Variants in ENTREP2 observed in about 807,000 individuals in gnomAD.
ENTREP2 encodes the protein endosomal transmembrane epsin interactor 2.
At chr15:29,404,767 C>T in the ENTREP2 span, among the ~76,000 whole-genome samples, 2 of 152,042 alleles carry the variant, frequency 1.3e-5, no homozygotes, top group Admixed American at 6.5e-5. Context: ...GGAAACATGA[C>T]GGATGCCTCC....
the ENTREP2 span, among the ~76,000 whole-genome samples, chr15:29,156,641 G>C: frequency 0.015 from 2,286 of 152,266 alleles, 60 homozygotes; most frequent in African/African-American, 0.053. Context: ...GCAGAGCCCA[G>C]GAGGAGGCAT....
chr15:29,232,956 T>C, the ENTREP2 span, among the ~76,000 whole-genome samples: 2 of 152,262 alleles, frequency 1.3e-5, no homozygotes, highest in Non-Finnish European at 2.9e-5. Flanking sequence ...GTGCTAACCC[T>C]AAATAGCCTT....
At chr15:29,380,054 C>T in the ENTREP2 span, among the ~76,000 whole-genome samples, 1 of 136,718 alleles carries the variant, frequency 7.3e-6, no homozygotes, top group Non-Finnish European at 1.5e-5. Flanking sequence ...AATAATCCAG[C>T]AAGGGGCTGG....
chr15:29,415,964 C>G, the ENTREP2 span, among the ~76,000 whole-genome samples: 3 of 152,044 alleles, frequency 2.0e-5, no homozygotes, highest in East Asian at 3.9e-4. Flanking sequence ...TCTTCAAGGA[C>G]AACTACAAGC....
At chr15:29,227,199 G>A in the ENTREP2 span, among the ~76,000 whole-genome samples, 3 of 152,178 alleles carry the variant, frequency 2.0e-5, no homozygotes, top group Admixed American at 6.5e-5. Context: ...ACAGAGAACA[G>A]GCAGGAAGAG....
the ENTREP2 span, among the ~76,000 whole-genome samples, chr15:29,662,960 G>A: frequency 2.0e-5 from 3 of 151,604 alleles, no homozygotes; most frequent in East Asian, 4.0e-4. Context: ...TGATCCGCCC[G>A]CCTCGGCCTC....
the ENTREP2 span, among the ~76,000 whole-genome samples, chr15:29,224,074 A>C: frequency 9.2e-5 from 14 of 152,118 alleles, no homozygotes; most frequent in Non-Finnish European, 2.1e-4. Flanking sequence ...GTTCTTAAAG[A>C]CACCGTGTCC....
chr15:29,455,741 G>A, the ENTREP2 span, among the ~76,000 whole-genome samples: 3 of 152,186 alleles, frequency 2.0e-5, no homozygotes, highest in Non-Finnish European at 2.9e-5. Flanking sequence ...GCAAGTGAGC[G>A]AAGCTTCATC....
At chr15:29,422,540 G>A in the ENTREP2 span, among the ~76,000 whole-genome samples, 2 of 152,156 alleles carry the variant, frequency 1.3e-5, no homozygotes, top group Non-Finnish European at 2.9e-5. Context: ...TGTTAAATAA[G>A]GGTAGAGTAC....
At chr15:29,261,953 G>A in the ENTREP2 span, among the ~76,000 whole-genome samples, 2 of 147,990 alleles carry the variant, frequency 1.4e-5, no homozygotes. Context: ...GTAAACCCAA[G>A]GAAAGTAAAA....
the ENTREP2 span, among the ~76,000 whole-genome samples, chr15:29,666,663 C>T: frequency 0.048 from 7,337 of 152,248 alleles, 515 homozygotes; most frequent in African/African-American, 0.15. Context: ...CCTGCCAGGC[C>T]AGTCCCCACC....
the ENTREP2 span, among the ~76,000 whole-genome samples, chr15:29,292,083 T>G: frequency 6.6e-6 from 1 of 152,134 alleles, no homozygotes; most frequent in Non-Finnish European, 1.5e-5. Context: ...ATATCCATCT[T>G]CCCACCTTTC....
the ENTREP2 span, chr15:29,151,882 AATAG>A: frequency 1.4e-6 from 2 of 1,450,214 alleles, no homozygotes; most frequent in Middle Eastern, 1.7e-4. Flanking sequence ...CTCATCCCGA[AATAG>A]ATAGCAGAAT....
the ENTREP2 span, among the ~76,000 whole-genome samples, chr15:29,386,391 A>G: frequency 6.6e-6 from 1 of 152,188 alleles, no homozygotes; most frequent in Non-Finnish European, 1.5e-5. Context: ...GAGTTTGAAC[A>G]GCGGGGCACC....
the ENTREP2 span, among the ~76,000 whole-genome samples, chr15:29,581,002 C>T: frequency 6.6e-6 from 1 of 152,092 alleles, no homozygotes; most frequent in South Asian, 2.1e-4. Context: ...TAAGACCTCG[C>T]ACCAGACCTC....
chr15:29,452,537 G>A, the ENTREP2 span: 2 of 152,204 alleles, frequency 1.3e-5, no homozygotes, highest in African/African-American at 2.4e-5. Context: ...GCCTATCAGA[G>A]ACAATTATAC....
chr15:29,424,569 A>T, the ENTREP2 span, among the ~76,000 whole-genome samples: 2 of 152,080 alleles, frequency 1.3e-5, no homozygotes, highest in Non-Finnish European at 2.9e-5. Flanking sequence ...AGCACAAGAG[A>T]AGGTAAAGGC....
At chr15:29,216,541 A>C in the ENTREP2 span, among the ~76,000 whole-genome samples, 12 of 152,206 alleles carry the variant, frequency 7.9e-5, no homozygotes, top group Admixed American at 2.0e-4. Flanking sequence ...AATTTTCTCT[A>C]TTACTCCCCC....
chr15:29,385,473 C>T, the ENTREP2 span, among the ~76,000 whole-genome samples: 28 of 152,250 alleles, frequency 1.8e-4, no homozygotes, highest in African/African-American at 6.3e-4. Flanking sequence ...CTACACAAAG[C>T]AAAAGAATAA....
Sources: allele counts gnomAD v4.1 joint callset (sites outside exome capture counted in the v4.1 genomes callset), GRCh38; gene constraint gnomAD v4.1.1; transcripts MANE v1.5; gene names NCBI Gene and HGNC (gene_info 2026-07-23, HGNC 2026-07-21).